CACNA1A: variants seen among roughly 807,000 people sequenced by gnomAD.
CACNA1A encodes calcium voltage-gated channel subunit alpha1 A, also known as voltage-dependent P/Q-type calcium channel subunit alpha-1A.
CACNA1A carries 57 observed loss-of-function variants against 262.4 expected under a neutral mutation model. The ratio of observed to expected loss-of-function variants is 0.22; its 90% CI spans 0.18 to 0.27. CACNA1A has a LOEUF of 0.27. CACNA1A is among the 10% of genes least tolerant of loss of function. The pLI is 1.00. For synonymous variants in CACNA1A, 1,431 were observed against 1,419.3 expected, an observed-to-expected ratio of 1.01 and a Z score of -0.18; for missense variants, 2,526 against 3,562.8, an observed-to-expected ratio of 0.71 and a Z score of 7.41.
At position 13,506,107 on chromosome 19, in the gene CACNA1A, C is replaced by A. The variant is rs1240542236; in HGVS notation, c.118G>T (p.Gly40Trp). The A allele has an allele frequency of 5.0e-6, 8 of 1,612,236 alleles. No individual in the cohort carries two copies. Among genetic ancestry groups the A allele is most frequent in the Non-Finnish European group, 6.8e-6 (8 of 1,179,292 alleles). The part of the protein sequence containing the change: ...GRGAGGSRQG[G>W]QPGAQRMYKQ... ...TACATCCTTTGCGCCCCGGGCTGCC[C>A]GCCCTGCCGGCTGCCCCCGGCTCCT... The change falls in exon 1 of 47, where the codon GGG becomes TGG. Residue 40 changes from glycine to tryptophan, a missense_variant. Gly to Trp is a radical substitution (Grantham distance 184). Transcript: ENST00000360228.
intron 2 of CACNA1A, among the ~76,000 whole-genome samples, chr19:13,454,583 G>T (rs982870941): frequency 6.6e-6 from 1 of 152,070 alleles, no homozygotes; most frequent in African/African-American, 2.4e-5. Context: ...TGTTGGTCAG[G>T]ATGGTCTCGA....
At chr19:13,287,649 C>A (rs1230394528) in intron 19 of CACNA1A, among the ~76,000 whole-genome samples, 2 of 151,942 alleles carry the variant, frequency 1.3e-5, no homozygotes, top group Admixed American at 1.3e-4. Flanking sequence ...TTACAGGTGC[C>A]CACCACTACG....
chr19:13,334,109 G>A (rs1221933487), intron 8 of CACNA1A: 2 of 436,886 alleles, frequency 4.6e-6, no homozygotes, highest in Admixed American at 3.6e-5. Flanking sequence ...GGGATGTGTG[G>A]TGCATGGGTA....
intron 30 of CACNA1A, among the ~76,000 whole-genome samples, chr19:13,251,967 T>C (rs182539499): frequency 5.1e-4 from 77 of 152,116 alleles, no homozygotes; most frequent in African/African-American, 1.8e-3. Flanking sequence ...GGTTTTGCCA[T>C]GTTGGCCAGG....
intron 23 of CACNA1A, 49 bp downstream of exon 23, chr19:13,277,020 G>A: frequency 7.4e-7 from 1 of 1,351,008 alleles, no homozygotes; most frequent in Non-Finnish European, 1.1e-6. Flanking sequence ...CCCTGCACTT[G>A]CTTAAAAAAA....
intron 32 of CACNA1A, 41 bp from the exon 33 acceptor site, chr19:13,235,315 C>T (rs755547353): frequency 6.5e-7 from 1 of 1,527,370 alleles, no homozygotes; most frequent in Non-Finnish European, 8.9e-7. Context: ...GCTGGGGGTC[C>T]CTCAGCCGCA....
At chr19:13,478,129 C>A (rs560548470) in intron 1 of CACNA1A, among the ~76,000 whole-genome samples, 1 of 152,074 alleles carries the variant, frequency 6.6e-6, no homozygotes, top group African/African-American at 2.4e-5. Flanking sequence ...TTGGTTCTTC[C>A]GTATTTTCAC....
At chr19:13,465,127 C>T (rs932757074) in intron 1 of CACNA1A, among the ~76,000 whole-genome samples, 8 of 151,752 alleles carry the variant, frequency 5.3e-5, no homozygotes, top group Non-Finnish European at 1.2e-4. Flanking sequence ...GACATGGTTT[C>T]ACCATGTTGG....
chr19:13,237,229 C>A (rs2055907554), intron 31 of CACNA1A, among the ~76,000 whole-genome samples: 1 of 152,060 alleles, frequency 6.6e-6, no homozygotes, highest in South Asian at 2.1e-4. Flanking sequence ...ACATGGAAAC[C>A]CTCCTTCGCT....
chr19:13,304,536 C>T (rs1403854938), intron 15 of CACNA1A, among the ~76,000 whole-genome samples: 1 of 151,232 alleles, frequency 6.6e-6, no homozygotes, highest in African/African-American at 2.4e-5. Context: ...GTGGGAGGAT[C>T]GTTTGAACCT....
intron 6 of CACNA1A, among the ~76,000 whole-genome samples, chr19:13,341,736 C>A (rs7253483): frequency 6.6e-6 from 1 of 151,920 alleles, no homozygotes; most frequent in Non-Finnish European, 1.5e-5. Context: ...TACAATTGCA[C>A]CCCTCATTTC....
intron 1 of CACNA1A, among the ~76,000 whole-genome samples, chr19:13,502,390 G>T (rs985120480): frequency 6.6e-6 from 1 of 152,214 alleles, no homozygotes; most frequent in African/African-American, 2.4e-5. Context: ...TTCAGTGGGA[G>T]ACCTGGTGGC....
In CACNA1A at chr19:13,214,065, C is replaced by CTCAG; in HGVS notation, c.5940+167_5940+168insCTGA. On this transcript the variant is annotated intron_variant, in intron 40 of 46. Transcript: ENST00000360228. The surrounding 1 kb of genome is among the most constrained non-coding windows in gnomAD (Gnocchi z 4.1). ...CCTGGTCTCAAACGATCCCTCTGCC[C>CTCAG]TGGCCTCTCAAAGCACTGAGATTGC... 1.6e-6 allele frequency: 1 copy of CTCAG among 619,628 alleles called. No homozygotes were observed. Among genetic ancestry groups the CTCAG allele is most frequent in the South Asian group, 1.8e-5 (1 of 54,276 alleles). 38.4% of individuals were successfully genotyped at this position (619,628 alleles called of 1,614,324 possible). A position where few individuals can be genotyped will look rare whatever the true frequency, so the allele number is the denominator to read the frequency against.
chr19:13,267,495 C>T lies in CACNA1A; in HGVS notation c.3990-4662G>A, dbSNP rs185531129. Among the ~76,000 whole-genome samples the T allele has an allele frequency of 4.7e-4, 71 of 152,308 alleles. 2 individuals carry two copies. The South Asian group carries it at 8.7e-3, about 19-fold the overall frequency. On this transcript the variant is annotated intron_variant, in intron 24 of 46. Transcript: ENST00000360228. ...AGCTGTCAGTTACCAAAGGTGAATT[C>T]ACCACGGAAAGTCACTGCCAAGAGC...
intron 38 of CACNA1A, among the ~76,000 whole-genome samples, chr19:13,220,685 G>T (rs2055188198): frequency 6.6e-6 from 1 of 152,086 alleles, no homozygotes. Context: ...TATGTCTGTG[G>T]TCATCATATA....
intron 1 of CACNA1A, among the ~76,000 whole-genome samples, chr19:13,489,763 C>T (rs1599365799): frequency 6.6e-6 from 1 of 152,150 alleles, no homozygotes; most frequent in South Asian, 2.1e-4. Context: ...CCAGAGAGAA[C>T]CATCAGAGCC....
At chr19:13,231,043 G>A (rs775182975) in intron 35 of CACNA1A, among the ~76,000 whole-genome samples, 33 of 150,804 alleles carry the variant, frequency 2.2e-4, no homozygotes, top group Middle Eastern at 6.8e-3. Flanking sequence ...TCATTCTGTC[G>A]CCCTGGCTGG....
rs148223833 is a variant in CACNA1A, at chr19:13,206,747, T to G, written c.*566A>C. On this transcript the variant is annotated 3_prime_UTR_variant, in exon 47 of 47. Transcript: ENST00000360228. The stretch of plus-strand genomic sequence containing the variant: ...GGTTTGGTATAACCGGCAAGCACTC[T>G]TGTGTGTGTCTGAGAACGTGTGTGG... 104 of 154,310 alleles carry G rather than the reference T, an allele frequency of 6.7e-4. 1 individual carries two copies. The East Asian group carries it at 0.015, about 22-fold the overall frequency. The allele number at this position is 154,310 out of a possible 1,614,324, so 9.6% of individuals were successfully genotyped here. A position where few individuals can be genotyped will look rare whatever the true frequency, so the allele number is the denominator to read the frequency against.
At chr19:13,309,458 C>T (rs1012758304) in intron 12 of CACNA1A, among the ~76,000 whole-genome samples, 6 of 150,538 alleles carry the variant, frequency 4.0e-5, no homozygotes, top group Non-Finnish European at 5.9e-5. Context: ...TTTGGGAGGC[C>T]GAGGTGGGCA....
Sources: allele counts gnomAD v4.1 joint callset (sites outside exome capture counted in the v4.1 genomes callset), GRCh38; gene constraint gnomAD v4.1.1; non-coding constraint Gnocchi (gnomAD v3.1); transcripts MANE v1.5; gene names NCBI Gene and HGNC (gene_info 2026-07-23, HGNC 2026-07-21).